Variants in AFAP1 observed in about 807,000 individuals in gnomAD.
AFAP1 encodes the protein actin filament associated protein 1.
AFAP1 carries 75 observed loss-of-function variants against 93.9 expected under a neutral mutation model. The observed-to-expected ratio is 0.80, with a 90% confidence interval of 0.66 to 0.97. The LOEUF (loss-of-function observed/expected upper bound fraction) is 0.97. Among genes scored for constraint, AFAP1 ranks in the 50% least tolerant of loss-of-function variants. The pLI, the probability that AFAP1 is intolerant of heterozygous loss-of-function variation, is 0.00. For synonymous variants in AFAP1, 517 were observed against 430.7 expected (o/e 1.20, Z -2.48); for missense variants, 1,201 against 1,050.8 (o/e 1.14, Z -1.98).
intron 4 of AFAP1, among the ~76,000 whole-genome samples, chr4:7,848,172 A>T (rs1713994273): frequency 1.3e-5 from 1 of 75,300 alleles, no homozygotes; most frequent in Non-Finnish European, 2.4e-5. Context: ...AGTGGGAGGG[A>T]GGGAGGGAGG....
At chr4:7,911,798 G>C (rs1719746922) in intron 1 of AFAP1, among the ~76,000 whole-genome samples, 1 of 152,166 alleles carries the variant, frequency 6.6e-6, no homozygotes, top group Non-Finnish European at 1.5e-5. Context: ...CTAGAGTCCT[G>C]GGGTTCTCCA....
At position 7,763,698 on chromosome 4, in the gene AFAP1, G is replaced by C; in HGVS notation, c.*67C>G. 4.5e-6 allele frequency: 7 copies of C among 1,543,532 alleles called. No homozygotes were observed. The highest frequency in any genetic ancestry group is 6.1e-6 in the Non-Finnish European group (7 of 1,139,818). On this transcript the variant is annotated 3_prime_UTR_variant, in exon 18 of 18. Transcript: ENST00000420658. ...GCCACTCTGGGCAGAGCTTCCTGCC[G>C]TCACACAGATGAGGATACAGGCAAG... is the stretch of plus-strand genomic sequence containing the variant.
At position 7,862,262 on chromosome 4, in the gene AFAP1, G is replaced by A. The variant is rs189481790; in HGVS notation, c.225+6360C>T. On this transcript the variant is annotated intron_variant, in intron 3 of 17. Coordinates refer to ENST00000420658, the MANE Select transcript of AFAP1 (RefSeq NM_001134647.2). ...GTAAGAGGATCACTTGAGCCTGGGA[G>A]GTCAAGGCTGCAGTGAGCTGTGATC... 663 of 152,422 alleles carry A rather than the reference G, an allele frequency of 4.3e-3. 4 individuals carry two copies. The highest frequency in any genetic ancestry group is 0.017 in the Middle Eastern group (5 of 296). The allele number at this position is 152,422 out of a possible 1,614,324, so 9.4% of individuals were successfully genotyped here.
chr4:7,938,638 C>T (rs1191400663), intron 1 of AFAP1, among the ~76,000 whole-genome samples: 2 of 152,148 alleles, frequency 1.3e-5, no homozygotes, highest in Admixed American at 1.3e-4. Flanking sequence ...GTGGATGCTC[C>T]TGCTTGAAAC....
chr4:7,783,890 C>G (rs542296575), intron 12 of AFAP1, among the ~76,000 whole-genome samples: 1 of 152,188 alleles, frequency 6.6e-6, no homozygotes, highest in African/African-American at 2.4e-5. Flanking sequence ...GGGCTAGACA[C>G]AGGCTCAGAG....
intron 1 of AFAP1, among the ~76,000 whole-genome samples, chr4:7,899,594 C>T (rs1310338487): frequency 6.6e-6 from 1 of 152,172 alleles, no homozygotes; most frequent in Non-Finnish European, 1.5e-5. Context: ...GGCATGTAAA[C>T]CTAATAAGCC....
At chr4:7,937,910 C>A (rs1334220425) in intron 1 of AFAP1, among the ~76,000 whole-genome samples, 1 of 152,200 alleles carries the variant, frequency 6.6e-6, no homozygotes, top group African/African-American at 2.4e-5. Context: ...AGCATGAATA[C>A]TTGGATTCAT....
At chr4:7,767,134 T>C (rs1714714567) in intron 17 of AFAP1, among the ~76,000 whole-genome samples, 4 of 152,174 alleles carry the variant, frequency 2.6e-5, no homozygotes. Flanking sequence ...TCCGTCCCCT[T>C]CTGATTTCTG....
At position 7,793,726 on chromosome 4, in the gene AFAP1, A is replaced by C; in HGVS notation, c.1367T>G (p.Val456Gly). 1 of 1,579,080 alleles carries C rather than the reference A, an allele frequency of 6.3e-7. No individual in the cohort carries two copies. Among genetic ancestry groups the C allele is most frequent in the Non-Finnish European group, 8.7e-7 (1 of 1,152,806 alleles). Reference protein sequence around the residue: ...PEALHYDYIDVEMSASVIQTA... With the variant: ...PEALHYDYIDGEMSASVIQTA... ...CTGAATGACACTTGCAGACATCTCC[A>C]CATCAATGTAGTCATAGTGCAGAGC... Residue 456 changes from valine (V) to glycine (G), a missense_variant, in exon 11 of 18, where the codon GTG (valine) becomes GGG (glycine). Coordinates refer to ENST00000420658, the MANE Select transcript of AFAP1 (RefSeq NM_001134647.2).
chr4:7,887,414 A>C (rs1210033982), intron 1 of AFAP1, among the ~76,000 whole-genome samples: 2 of 152,248 alleles, frequency 1.3e-5, no homozygotes, highest in African/African-American at 2.4e-5. Context: ...GTGTTACAGG[A>C]AAATGCATCT....
At chr4:7,882,733 CTT>C (rs1357192406) in intron 1 of AFAP1, among the ~76,000 whole-genome samples, 3 of 152,282 alleles carry the variant, frequency 2.0e-5, no homozygotes, top group Middle Eastern at 6.8e-3. Context: ...GTGGCACGTG[CTT>C]GTAATCCCAG....
At chr4:7,851,932 C>G (rs993241210) in intron 4 of AFAP1, among the ~76,000 whole-genome samples, 1 of 152,168 alleles carries the variant, frequency 6.6e-6, no homozygotes, top group Non-Finnish European at 1.5e-5. Context: ...GATGGGATCC[C>G]CACACCATTG....
At chr4:7,779,165 C>A (rs1279571183) in intron 13 of AFAP1, 2 of 363,430 alleles carry the variant, frequency 5.5e-6, no homozygotes, top group East Asian at 1.3e-4. Flanking sequence ...GCTAACCAAG[C>A]TGGCGCAGGC....
intron 9 of AFAP1, among the ~76,000 whole-genome samples, chr4:7,807,393 T>C (rs1443940463): frequency 6.6e-6 from 1 of 152,198 alleles, no homozygotes; most frequent in African/African-American, 2.4e-5. Flanking sequence ...GGCCCAGCAC[T>C]GGGGCACCAA....
chr4:7,818,057 G>A (rs982523491), intron 7 of AFAP1, among the ~76,000 whole-genome samples: 2 of 152,148 alleles, frequency 1.3e-5, no homozygotes, highest in African/African-American at 2.4e-5. Context: ...TCAATGTGGG[G>A]GGCATCTGGG....
At chr4:7,815,376 C>A (rs971817324) in intron 8 of AFAP1, among the ~76,000 whole-genome samples, 2 of 152,224 alleles carry the variant, frequency 1.3e-5, no homozygotes, top group Admixed American at 6.5e-5. Context: ...CTGAACTGTA[C>A]ACTGAGACAT....
At chr4:7,778,928 A>ATT in intron 13 of AFAP1, 52 bp from the exon 14 acceptor site, 1 of 1,354,528 alleles carries the variant, frequency 7.4e-7, no homozygotes, top group Non-Finnish European at 1.0e-6. Flanking sequence ...AGTCAAACAA[A>ATT]TCTTGGTCTT....
rs759438734 is a variant in AFAP1 at position 7,793,781 on chromosome 4, C to T, written c.1312G>A (p.Ala438Thr). ...GGGTCTGTGGACGATCCCGTCTCTG[C>T]GAGTAAAATCCCAATCCACCTGCCC... ...DMGRWIGILL[A>T]ETGSSTDPEA... The change falls in exon 11 of 18, where the codon GCA (alanine) becomes ACA (threonine). Residue 438 changes from alanine (A) to threonine (T), a missense_variant. By Grantham distance (58) the Ala-to-Thr change is moderately conservative. Coordinates refer to ENST00000420658, the MANE Select transcript of AFAP1 (RefSeq NM_001134647.2). The T allele has an allele frequency of 9.6e-6, 15 of 1,564,364 alleles. No homozygotes were observed. The highest frequency in any genetic ancestry group is 1.3e-5 in the African/African-American group (1 of 74,274).
intron 1 of AFAP1, among the ~76,000 whole-genome samples, chr4:7,880,688 G>A (rs368570850): frequency 2.0e-5 from 3 of 152,302 alleles, no homozygotes; most frequent in South Asian, 2.1e-4. Flanking sequence ...TGACCAGACC[G>A]CCAGTCAAAG....
Sources: gnomAD v4.1 joint callset for allele counts (sites outside exome capture counted in the v4.1 genomes callset) on GRCh38, gnomAD v4.1.1 for gene constraint, MANE v1.5 for transcripts, NCBI Gene and HGNC (gene_info 2026-07-23, HGNC 2026-07-21) for gene names.